Variants in TTC23 observed in about 807,000 individuals in gnomAD.
The protein encoded by TTC23 is tetratricopeptide repeat domain 23.
TTC23 carries 58 observed loss-of-function variants against 55.1 expected under a neutral mutation model. That is an observed-to-expected ratio of 1.05 (90% CI 0.85 to 1.31). The LOEUF (loss-of-function observed/expected upper bound fraction) is 1.31, where lower values mean the gene tolerates loss of function less well. Ranked by LOEUF, TTC23 falls within the 50% of genes most tolerant of loss-of-function variation. The probability of loss-of-function intolerance (pLI) is 0.00; values close to 1 mark genes in which losing one functional copy is unlikely to be tolerated. For missense variants in TTC23, 516 were observed against 534.4 expected, an observed-to-expected ratio of 0.97 and a Z score of 0.34; for synonymous variants, 203 against 199.9, an observed-to-expected ratio of 1.02 and a Z score of -0.13.
chr15:99,245,551 G>A (rs2080169196), intron 1 of TTC23, 41 bp from the exon 2 acceptor site: 1 of 151,302 alleles, frequency 6.6e-6, no homozygotes, highest in Non-Finnish European at 1.5e-5. Context: ...TAGAAAAATG[G>A]GATAGTGTTG....
chr15:99,161,646 C>T, intron 11 of TTC23, 94 bp downstream of exon 11: 1 of 1,432,964 alleles, frequency 7.0e-7, no homozygotes, highest in Non-Finnish European at 9.5e-7. Flanking sequence ...GCTTTGCACA[C>T]AGTAGATGCT....
At position 99,137,919 on chromosome 15, in the gene TTC23, G is replaced by A. The variant is rs1596152693; in HGVS notation, c.*91C>T. The A allele has an allele frequency of 1.3e-6, 2 of 1,568,130 alleles. No individual in the cohort carries two copies. Among genetic ancestry groups the A allele is most frequent in the Admixed American group, 3.5e-5 (2 of 57,456 alleles). On this transcript the variant is annotated 3_prime_UTR_variant, in exon 14 of 14. Transcript: ENST00000394132. ...GGCCTTGGAAATCTGTATCCTGACTGTTGAATTCCATTTTCTAGGCGGAGG... is the reference window on the plus strand; with the variant it reads ...GGCCTTGGAAATCTGTATCCTGACTATTGAATTCCATTTTCTAGGCGGAGG...
Position 99,218,977 on chromosome 15 carries a change from A to T in TTC23, c.376T>A (p.Tyr126Asn). ...TTGAAAACATCTGTATTCTCACTAT[A>T]GGGAGGCACAATGGAGTTGGCGAGG... ...QILANSIVPP[Y>N]SENTDVFKFS... Residue 126 changes from tyrosine (Y) to asparagine (N), a missense_variant, in exon 7 of 14, where the codon TAT becomes AAT. Physicochemically the swap from Tyr to Asn is moderately radical, Grantham distance 143. Transcript: ENST00000394132. 6.2e-7 allele frequency: 1 copy of T among 1,614,202 alleles called. No homozygotes were observed. Among genetic ancestry groups the T allele is most frequent in the East Asian group, 2.2e-5 (1 of 44,884 alleles).
At chr15:99,230,833 G>T (rs1186489343) in intron 4 of TTC23, among the ~76,000 whole-genome samples, 3 of 152,154 alleles carry the variant, frequency 2.0e-5, no homozygotes, top group African/African-American at 7.2e-5. Context: ...TGTTCTCAAA[G>T]AAATGTAAAA....
Position 99,221,735 on chromosome 15 carries a change from G to A in TTC23, c.304+6C>T, listed in dbSNP as rs776047863. ...ACTGATCCCCCTCAGTCTAAGGCGA[G>A]CTTACCTTTCAGCTGGAGGTAGCCT... On this transcript the variant is annotated splice_donor_region_variant and intron_variant, in intron 6 of 13. Coordinates refer to ENST00000394132, the MANE Select transcript of TTC23 (RefSeq NM_001288615.3). The A allele has an allele frequency of 8.6e-5, 139 of 1,613,814 alleles. No individual in the cohort carries two copies. The highest frequency in any genetic ancestry group is 1.1e-4 in the Non-Finnish European group (129 of 1,179,862).
At chr15:99,177,399 C>T (rs1204333494) in intron 9 of TTC23, among the ~76,000 whole-genome samples, 1 of 152,182 alleles carries the variant, frequency 6.6e-6, no homozygotes, top group East Asian at 1.9e-4. Flanking sequence ...ATCTTAAGGT[C>T]TGACTTAAAT....
At chr15:99,168,347 A>C (rs2072437242) in intron 10 of TTC23, among the ~76,000 whole-genome samples, 1 of 152,132 alleles carries the variant, frequency 6.6e-6, no homozygotes, top group Non-Finnish European at 1.5e-5. Context: ...TGCCTGCCTT[A>C]AGTGTCCTCA....
chr15:99,146,991 T>C (rs1265666006), intron 12 of TTC23, among the ~76,000 whole-genome samples: 1 of 151,894 alleles, frequency 6.6e-6, no homozygotes, highest in Non-Finnish European at 1.5e-5. Flanking sequence ...CACGGCTCAC[T>C]GCAACCTCTG....
intron 12 of TTC23, among the ~76,000 whole-genome samples, chr15:99,141,562 A>G (rs1422880635): frequency 4.6e-5 from 7 of 152,164 alleles, no homozygotes; most frequent in African/African-American, 1.7e-4. Context: ...TTCATAATAT[A>G]TTTTTTAAAA....
chr15:99,209,740 T>G (rs1410009349), intron 8 of TTC23, among the ~76,000 whole-genome samples: 1 of 152,080 alleles, frequency 6.6e-6, no homozygotes, highest in Non-Finnish European at 1.5e-5. Flanking sequence ...AAAATCATTA[T>G]TATTATATTT....
intron 8 of TTC23, among the ~76,000 whole-genome samples, chr15:99,207,498 C>A (rs933368641): frequency 1.3e-5 from 2 of 152,212 alleles, no homozygotes; most frequent in Non-Finnish European, 2.9e-5. Flanking sequence ...GTAGCTCATG[C>A]CTGTAATCCC....
At position 99,228,720 on chromosome 15, in the gene TTC23, T is replaced by A. The variant is rs755132292; in HGVS notation, c.-8A>T. The A allele has an allele frequency of 1.4e-5, 22 of 1,572,904 alleles. No homozygotes were observed. The African/African-American group carries it at 2.9e-4, about 21-fold the overall frequency. The stretch of plus-strand genomic sequence containing the variant: ...TTCCTGTGATTCTTGCATATTTTTA[T>A]ATACATTGTCTTCTAATTTTAAAAT... On this transcript the variant is annotated 5_prime_UTR_variant, in exon 5 of 14. Transcript: ENST00000394132.
chr15:99,200,044 C>T lies in TTC23; in HGVS notation c.634G>A (p.Ala212Thr), dbSNP rs777970172. 19 of 1,613,392 alleles carry T rather than the reference C, an allele frequency of 1.2e-5. No homozygotes were observed. In the East Asian group the frequency reaches 2.5e-4, roughly 21 times the overall value. The change falls in exon 9 of 14, where the codon GCT (alanine) becomes ACT (threonine). Residue 212 changes from alanine to threonine, a missense_variant. Physicochemically the swap from Ala to Thr is moderately conservative, Grantham distance 58 (BLOSUM62 0). Transcript: ENST00000394132. ...TTACTGATCTCAACATATTCCAAAG[C>T]TGCTTGATAGTGGGACAAAGCTTCT... ...SKEALSHYQAALEYVEISKGE... is the reference protein window; with the variant it reads ...SKEALSHYQATLEYVEISKGE...
chr15:99,199,458 T>TTGTGTG (rs149241257), intron 9 of TTC23, among the ~76,000 whole-genome samples: 69 of 146,130 alleles, frequency 4.7e-4, no homozygotes, highest in African/African-American at 1.5e-3. Context: ...GTGTGTGTGT[T>TTGTGTG]TGTGTGTGTG....
chr15:99,220,058 C>A (rs958828234), intron 6 of TTC23, among the ~76,000 whole-genome samples: 2 of 152,188 alleles, frequency 1.3e-5, no homozygotes, highest in African/African-American at 4.8e-5. Context: ...GCATGTTGGA[C>A]TGTATTTTCA....
chr15:99,191,008 C>T (rs1440804237), intron 9 of TTC23, among the ~76,000 whole-genome samples: 1 of 152,062 alleles, frequency 6.6e-6, no homozygotes, highest in Non-Finnish European at 1.5e-5. Context: ...TGGTCTTGAA[C>T]TTCTGAGCTC....
At chr15:99,195,766 A>G (rs911999626) in intron 9 of TTC23, among the ~76,000 whole-genome samples, 2 of 152,038 alleles carry the variant, frequency 1.3e-5, no homozygotes, top group South Asian at 2.1e-4. Context: ...CTCATCAATT[A>G]TAACAAATGT....
At chr15:99,223,608 C>T (rs1334504779) in intron 5 of TTC23, among the ~76,000 whole-genome samples, 1 of 152,348 alleles carries the variant, frequency 6.6e-6, no homozygotes, top group Non-Finnish European at 1.5e-5. Flanking sequence ...GTTAGGACAG[C>T]ACCACAGACT....
rs571713021 is a variant in TTC23 at position 99,144,205 on chromosome 15, A to G, written c.1144-4806T>C. On this transcript the variant is annotated intron_variant, in intron 12 of 13. Coordinates refer to ENST00000394132, the MANE Select transcript of TTC23 (RefSeq NM_001288615.3). ...CTTGAGGTTTGAAAGCTAGGAGTCT[A>G]AGGAGCCCAGGAGCCAAGAAACCTG... is the stretch of plus-strand genomic sequence containing the variant. Among the ~76,000 whole-genome samples the G allele has an allele frequency of 2.0e-3, 307 of 152,288 alleles. 4 individuals carry two copies. Among genetic ancestry groups the G allele is most frequent in the Non-Finnish European group, 2.1e-4 (14 of 68,012 alleles).
Sources: allele counts gnomAD v4.1 joint callset (sites outside exome capture counted in the v4.1 genomes callset), GRCh38; gene constraint gnomAD v4.1.1; transcripts MANE v1.5; gene names NCBI Gene and HGNC (gene_info 2026-07-23, HGNC 2026-07-21).